ALMS1: variants seen among roughly 807,000 people sequenced by gnomAD.
The protein encoded by ALMS1 is ALMS1 centrosome and basal body associated protein, also known as centrosome-associated protein ALMS1.
In ALMS1, 271 loss-of-function variants were observed where a neutral mutation model predicts 352.2. That is an observed-to-expected ratio of 0.77 (90% CI 0.70 to 0.85). ALMS1 has a LOEUF of 0.85. Ranked by LOEUF, ALMS1 falls within the 40% of genes least tolerant of loss-of-function variation. ALMS1 has a pLI of 0.00. For missense variants in ALMS1, 5,445 were observed against 4,870.7 expected, an observed-to-expected ratio of 1.12 and a Z score of -3.51; for synonymous variants, 1,865 against 1,761.2, an observed-to-expected ratio of 1.06 and a Z score of -1.48.
chr2:73,595,619 A>T (rs1277758594), intron 16 of ALMS1, among the ~76,000 whole-genome samples: 2 of 152,202 alleles, frequency 1.3e-5, no homozygotes, highest in African/African-American at 2.4e-5. Context: ...TTGTGTGGGC[A>T]TACATTTTCA....
rs750422041 is a variant in ALMS1 at position 73,572,948 on chromosome 2, G to A, written c.11071G>A (p.Glu3691Lys). 14 of 1,613,932 alleles carry A rather than the reference G, an allele frequency of 8.7e-6. No homozygotes were observed. Among genetic ancestry groups the A allele is most frequent in the Admixed American group, 5.0e-5 (3 of 59,976 alleles). The change falls in exon 16 of 23, where the codon GAG becomes AAG. Residue 3691 changes from glutamate to lysine, a missense_variant. Glu to Lys is a moderately conservative substitution (Grantham distance 56). Coordinates refer to ENST00000613296, the MANE Select transcript of ALMS1 (RefSeq NM_001378454.1). Reference protein sequence around the residue: ...SLEKSHKNTGELKKSKVLSHH... With the variant: ...SLEKSHKNTGKLKKSKVLSHH... ...AGAGAAAAGCCATAAAAATACAGGC[G>A]AGCTTAAAAAAAGCAAGGTGCTTTC...
At position 73,448,330 on chromosome 2, in the gene ALMS1, T is replaced by G; in HGVS notation, c.1803T>G (p.Val601=). Residue 601 remains valine, a synonymous_variant, in exon 8 of 23, where the codon GTT becomes GTG. Transcript: ENST00000613296. ...DSHLTEEALK[V]SAAPGLADQT... The stretch of plus-strand genomic sequence containing the variant: ...ATCTAACTGAAGAGGCTTTGAAAGT[T>G]TCAGCTGCTCCTGGACTAGCTGACC... 6.2e-7 allele frequency: 1 copy of G among 1,613,862 alleles called. No homozygotes were observed. Among genetic ancestry groups the G allele is most frequent in the South Asian group, 1.1e-5 (1 of 91,070 alleles).
chr2:73,506,071 C>T (rs1273084969), intron 10 of ALMS1, among the ~76,000 whole-genome samples: 1 of 151,584 alleles, frequency 6.6e-6, no homozygotes, highest in Admixed American at 6.6e-5. Context: ...TTGCTTTTGT[C>T]AGGTTTGTCA....
chr2:73,521,883 T>A (rs1673688160), intron 11 of ALMS1, among the ~76,000 whole-genome samples: 2 of 152,232 alleles, frequency 1.3e-5, no homozygotes. Flanking sequence ...TAAGTGTTAT[T>A]TTCAACACTG....
intron 12 of ALMS1, among the ~76,000 whole-genome samples, chr2:73,542,775 G>A (rs1016599850): frequency 2.6e-5 from 4 of 152,120 alleles, no homozygotes; most frequent in South Asian, 4.2e-4. Flanking sequence ...TTGCTTCAAA[G>A]AGAATAAAAT....
At chr2:73,466,159 G>A (rs762270163) in intron 9 of ALMS1, among the ~76,000 whole-genome samples, 7 of 152,090 alleles carry the variant, frequency 4.6e-5, no homozygotes, top group African/African-American at 1.2e-4. Flanking sequence ...ATTATAAATC[G>A]TGCTGCTATA....
rs375736124 is a variant in ALMS1, at chr2:73,451,370, T to A, written c.4843T>A (p.Leu1615Ile). ...EKKTDIPAGPLGSSALGEKPI... is the reference protein window; with the variant it reads ...EKKTDIPAGPIGSSALGEKPI... ...AAAGACTGACATACCAGCAGGACCT[T>A]TAGGTTCCAGTGCACTTGGAGAGAA... is the stretch of plus-strand genomic sequence containing the variant. Residue 1615 changes from leucine to isoleucine, a missense_variant, in exon 8 of 23, where the codon TTA (leucine) becomes ATA (isoleucine). Physicochemically the swap from Leu to Ile is conservative, Grantham distance 5. Transcript: ENST00000613296. 3.7e-6 allele frequency: 6 copies of A among 1,613,818 alleles called. No homozygotes were observed. The highest frequency in any genetic ancestry group is 5.1e-6 in the Non-Finnish European group (6 of 1,179,956).
At chr2:73,564,536 T>C (rs1467461340) in intron 15 of ALMS1, among the ~76,000 whole-genome samples, 1 of 150,308 alleles carries the variant, frequency 6.7e-6, no homozygotes, top group Non-Finnish European at 1.5e-5. Flanking sequence ...ATAAGTGCAA[T>C]CAACCATCAC....
chr2:73,393,895 A>G (rs1558628008), intron 1 of ALMS1, among the ~76,000 whole-genome samples: 1 of 147,324 alleles, frequency 6.8e-6, no homozygotes, highest in Non-Finnish European at 1.5e-5. Context: ...ATCTCGGCTC[A>G]CTGCAACCTC....
chr2:73,519,403 C>T (rs897694900), intron 10 of ALMS1, among the ~76,000 whole-genome samples: 8 of 152,134 alleles, frequency 5.3e-5, no homozygotes, highest in Admixed American at 3.3e-4. Flanking sequence ...TGACAGAATG[C>T]TCTGTTTCTT....
intron 10 of ALMS1, among the ~76,000 whole-genome samples, chr2:73,514,023 GA>G (rs1456334955): frequency 6.6e-6 from 1 of 152,158 alleles, no homozygotes; most frequent in African/African-American, 2.4e-5. Context: ...AAACACAGGA[GA>G]GGGGAAAGAG....
intron 2 of ALMS1, among the ~76,000 whole-genome samples, chr2:73,412,214 C>G (rs932312499): frequency 4.6e-5 from 7 of 152,196 alleles, no homozygotes; most frequent in African/African-American, 1.7e-4. Context: ...CAAAAAGGAA[C>G]GTCACAAAAA....
chr2:73,465,154 A>T (rs555076552), intron 9 of ALMS1, among the ~76,000 whole-genome samples: 4 of 150,906 alleles, frequency 2.7e-5, no homozygotes, highest in Admixed American at 2.6e-4. Flanking sequence ...GTTCATATGG[A>T]ACCAAAAAAG....
At chr2:73,605,709 G>C (rs1232322672) in intron 21 of ALMS1, among the ~76,000 whole-genome samples, 1 of 152,120 alleles carries the variant, frequency 6.6e-6, no homozygotes, top group African/African-American at 2.4e-5. Context: ...TGGGCATGGT[G>C]GTGGGTACCT....
rs2103776357 is a variant in ALMS1, at chr2:73,449,264, A to G, written c.2737A>G (p.Lys913Glu). Residue 913 changes from lysine (K) to glutamate (E), a missense_variant, in exon 8 of 23, where the codon AAG (lysine) becomes GAG (glutamate). Lys to Glu is a moderately conservative substitution (Grantham distance 56). Coordinates refer to ENST00000613296, the MANE Select transcript of ALMS1 (RefSeq NM_001378454.1). ...ATCTAGTTTCTACTCACACAGAGAG[A>G]AGCCCATTATTTTTTCCCAGCAGAC... The part of the protein sequence containing the change: ...APSSFYSHRE[K>E]PIIFSQQTLP... The G allele has an allele frequency of 6.2e-7, 1 of 1,614,062 alleles. No homozygotes were observed. The highest frequency in any genetic ancestry group is 8.5e-7 in the Non-Finnish European group (1 of 1,179,994).
In ALMS1 at chr2:73,600,702, C is replaced by A. The variant is rs757210357; in HGVS notation, c.11693C>A (p.Ala3898Asp). The A allele has an allele frequency of 6.2e-7, 1 of 1,613,828 alleles. No homozygotes were observed. Among genetic ancestry groups the A allele is most frequent in the Non-Finnish European group, 8.5e-7 (1 of 1,179,880 alleles). Residue 3898 changes from alanine to aspartate, a missense_variant, in exon 18 of 23, where the codon GCC becomes GAC. Ala to Asp is a moderately radical substitution (Grantham distance 126, BLOSUM62 -2). Transcript: ENST00000613296. ...QAGNLEIVNGAKKHTRDVGIT... is the reference protein window; with the variant it reads ...QAGNLEIVNGDKKHTRDVGIT... The stretch of plus-strand genomic sequence containing the variant: ...GGTAACTTGGAGATTGTGAACGGTG[C>A]CAAAAAACACACTCGAGATGTTGGG...
chr2:73,574,567 C>T (rs979314517), intron 16 of ALMS1, among the ~76,000 whole-genome samples: 7 of 152,062 alleles, frequency 4.6e-5, no homozygotes, highest in Admixed American at 4.6e-4. Flanking sequence ...GAAAGGGAGG[C>T]ATGAGATGTT....
In ALMS1 at chr2:73,391,451, G is replaced by A. The variant is rs987137569; in HGVS notation, c.324+5259G>A. Among the ~76,000 whole-genome samples, 5 of 151,592 alleles carry A rather than the reference G, an allele frequency of 3.3e-5. No individual in the cohort carries two copies. The East Asian group carries it at 5.8e-4, about 18-fold the overall frequency. ...TGCGACTACAGGCGCCCGCCACCAC[G>A]CCCGGCTATTATTTTGTATTTTTAG... On this transcript the variant is annotated intron_variant, in intron 1 of 22. Transcript: ENST00000613296.
chr2:73,422,654 A>G (rs1397631703), intron 3 of ALMS1, among the ~76,000 whole-genome samples: 1 of 152,168 alleles, frequency 6.6e-6, no homozygotes, highest in Non-Finnish European at 1.5e-5. Context: ...TGAGGATTAA[A>G]TGAAATATTG....
Sources: gnomAD v4.1 joint callset for allele counts (sites outside exome capture counted in the v4.1 genomes callset) on GRCh38, gnomAD v4.1.1 for gene constraint, MANE v1.5 for transcripts, NCBI Gene and HGNC (gene_info 2026-07-23, HGNC 2026-07-21) for gene names.